Variants in ACTL8 observed in about 807,000 individuals in gnomAD.
The protein encoded by ACTL8 is actin-like protein 8.
Under a neutral mutation model 9.3 loss-of-function variants are expected in ACTL8, and 3 were observed. That is an observed-to-expected ratio of 0.32 (90% CI 0.15 to 0.83). The LOEUF (loss-of-function observed/expected upper bound fraction) is 0.83, where lower values mean the gene tolerates loss of function less well. Ranked by LOEUF, ACTL8 falls within the 40% of genes least tolerant of loss-of-function variation. The probability of loss-of-function intolerance (pLI) is 0.57; values close to 1 mark genes in which losing one functional copy is unlikely to be tolerated. For missense variants in ACTL8, 381 were observed against 492.2 expected, an observed-to-expected ratio of 0.77 and a Z score of 2.14; for synonymous variants, 224 against 205.9, an observed-to-expected ratio of 1.09 and a Z score of -0.75.
intron 1 of ACTL8, among the ~76,000 whole-genome samples, chr1:17,798,307 A>C (rs539646308): frequency 6.6e-6 from 1 of 151,968 alleles, no homozygotes. Context: ...CTCATGGTCT[A>C]GGTGGGAGCT....
chr1:17,812,136 G>A (rs1027893914), intron 1 of ACTL8, among the ~76,000 whole-genome samples: 4 of 152,088 alleles, frequency 2.6e-5, no homozygotes, highest in Non-Finnish European at 5.9e-5. Flanking sequence ...GGGATTATAG[G>A]TGTGAGCTAC....
At position 17,826,764 on chromosome 1, in the gene ACTL8, G is replaced by T. The variant is rs1024448600; in HGVS notation, c.*245G>T. The T allele has an allele frequency of 8.3e-6, 3 of 361,374 alleles. No individual in the cohort carries two copies. Among genetic ancestry groups the T allele is most frequent in the Non-Finnish European group, 1.5e-5 (3 of 201,724 alleles). The allele number at this position is 361,374 out of a possible 1,614,324, so 22.4% of individuals were successfully genotyped here. ...TGCAGGGGACAGTTTTTCCAGGGTG[G>T]CCTATCATTGGGGTATGAGTGGCTG... On this transcript the variant is annotated 3_prime_UTR_variant, in exon 3 of 3. Transcript: ENST00000375406. This position sits in a 1 kb window ranked among gnomAD's most constrained non-coding sequence, Gnocchi z 4.5.
chr1:17,822,888 CA>C (rs1402103122), intron 1 of ACTL8, 96 bp from the exon 2 acceptor site: 2 of 785,710 alleles, frequency 2.5e-6, no homozygotes, highest in South Asian at 1.8e-5. Flanking sequence ...GGACAAGCTT[CA>C]GGGGGAGCCT....
At chr1:17,817,716 T>TTTC (rs1321261736) in intron 1 of ACTL8, among the ~76,000 whole-genome samples, 2 of 151,750 alleles carry the variant, frequency 1.3e-5, no homozygotes, top group African/African-American at 4.8e-5. Flanking sequence ...TTTTCTTTTT[T>TTTC]TCGAGATGGA....
chr1:17,801,861 G>T (rs954444325), intron 1 of ACTL8, among the ~76,000 whole-genome samples: 1 of 152,274 alleles, frequency 6.6e-6, no homozygotes, highest in Non-Finnish European at 1.5e-5. Context: ...TTAGCATTCG[G>T]TGTCCATCTA....
At chr1:17,808,285 G>A (rs1178002933) in intron 1 of ACTL8, among the ~76,000 whole-genome samples, 1 of 152,182 alleles carries the variant, frequency 6.6e-6, no homozygotes. Flanking sequence ...ATGGCAATAA[G>A]AGCTCAACAG....
chr1:17,806,912 G>A (rs560367575), intron 1 of ACTL8, among the ~76,000 whole-genome samples: 31 of 152,320 alleles, frequency 2.0e-4, no homozygotes, highest in East Asian at 1.9e-4. Flanking sequence ...CACGGGATGC[G>A]TCCCACTGGG....
At position 17,823,855 on chromosome 1, in the gene ACTL8, G is replaced by A. The variant is rs1422975889; in HGVS notation, c.348+499G>A. Among the ~76,000 whole-genome samples, 1 of 152,170 alleles carries A rather than the reference G, an allele frequency of 6.6e-6. No individual in the cohort carries two copies. The highest frequency in any genetic ancestry group is 3.2e-3 in the Middle Eastern group (1 of 316). ...GCTCACGGAGGCCCCACCTGCAGAC[G>A]GACATGCAGCAACCAACGTGCTTGG... On this transcript the variant is annotated intron_variant, in intron 2 of 2. Coordinates refer to ENST00000375406, the MANE Select transcript of ACTL8 (RefSeq NM_030812.3). This position sits in a 1 kb window ranked among gnomAD's most constrained non-coding sequence, Gnocchi z 5.3.
intron 1 of ACTL8, among the ~76,000 whole-genome samples, chr1:17,822,366 C>T (rs756840773): frequency 2.6e-5 from 4 of 152,210 alleles, no homozygotes; most frequent in Non-Finnish European, 4.4e-5. Flanking sequence ...TTGCTGATCT[C>T]TGACCATTTT....
At chr1:17,758,219 C>T (rs1198416934) in intron 1 of ACTL8, among the ~76,000 whole-genome samples, 1 of 152,174 alleles carries the variant, frequency 6.6e-6, no homozygotes, top group African/African-American at 2.4e-5. Flanking sequence ...TACCGAGGGG[C>T]AGCACTTCAC....
chr1:17,797,577 C>T (rs2066286489), intron 1 of ACTL8, among the ~76,000 whole-genome samples: 1 of 152,178 alleles, frequency 6.6e-6, no homozygotes, highest in Non-Finnish European at 1.5e-5. Flanking sequence ...GCCAGGTATC[C>T]AGCATTTCTC....
chr1:17,818,028 A>G (rs983898786), intron 1 of ACTL8, among the ~76,000 whole-genome samples: 1 of 152,086 alleles, frequency 6.6e-6, no homozygotes, highest in African/African-American at 2.4e-5. Flanking sequence ...CCATCCATTC[A>G]GGAACTCCCA....
intron 1 of ACTL8, among the ~76,000 whole-genome samples, chr1:17,788,246 T>TA (rs930383671): frequency 7.9e-5 from 12 of 152,230 alleles, no homozygotes; most frequent in African/African-American, 2.4e-4. Context: ...TTAGTCAGTT[T>TA]AAAAAAAATC....
At chr1:17,808,382 T>C (rs481529) in intron 1 of ACTL8, among the ~76,000 whole-genome samples, 86,513 of 152,092 alleles carry the variant, frequency 0.57, 25,107 homozygotes, top group East Asian at 0.75. Flanking sequence ...GATAGTTATT[T>C]TCATCTGAAG....
rs149229255 is a variant in ACTL8, at chr1:17,769,218, C to G, written c.-25+13714C>G. ...GAGCGCCTTGATTCTTTTCCTTCAG[C>G]CTTCCCTTCCCCAGTATCCCTAGAG... On this transcript the variant is annotated intron_variant, in intron 1 of 2. Coordinates refer to ENST00000375406, the MANE Select transcript of ACTL8 (RefSeq NM_030812.3). Among the ~76,000 whole-genome samples the G allele has an allele frequency of 2.0e-4, 30 of 152,284 alleles. No individual in the cohort carries two copies. In the East Asian group the frequency reaches 3.9e-3, roughly 20 times the overall value.
At chr1:17,816,550 T>C (rs1389630289) in intron 1 of ACTL8, among the ~76,000 whole-genome samples, 2 of 152,258 alleles carry the variant, frequency 1.3e-5, no homozygotes, top group Admixed American at 1.3e-4. Context: ...AGCATTATGC[T>C]GTGAGACTCT....
At chr1:17,824,362 T>C (rs1303362082) in intron 2 of ACTL8, among the ~76,000 whole-genome samples, 3 of 152,200 alleles carry the variant, frequency 2.0e-5, no homozygotes, top group Admixed American at 2.0e-4. Context: ...CATTGCCTGG[T>C]AGGTAAAGCC....
rs980524017 is a variant in ACTL8, at chr1:17,826,413, A to G, written c.995A>G (p.Asn332Ser). ...STKATVWEGS[N>S]RNFSVWLGAS... ...AAGGCCACAGTCTGGGAGGGTTCCA[A>G]TAGAAACTTTAGTGTCTGGCTAGGA... Residue 332 changes from asparagine to serine, a missense_variant, in exon 3 of 3, where the codon AAT becomes AGT. Around this residue, in one of 3 missense-constraint regions of ACTL8, gnomAD observed 243 missense variants for 276.2 expected, o/e 0.88. Coordinates refer to ENST00000375406, the MANE Select transcript of ACTL8 (RefSeq NM_030812.3). The surrounding 1 kb of genome is among the most constrained non-coding windows in gnomAD (Gnocchi z 4.5). 7.4e-6 allele frequency: 12 copies of G among 1,613,966 alleles called. No individual in the cohort carries two copies. Among genetic ancestry groups the G allele is most frequent in the African/African-American group, 6.7e-5 (5 of 74,900 alleles).
At chr1:17,788,005 C>A (rs1557435652) in intron 1 of ACTL8, among the ~76,000 whole-genome samples, 1 of 152,198 alleles carries the variant, frequency 6.6e-6, no homozygotes, top group Non-Finnish European at 1.5e-5. Flanking sequence ...AGCAGGGGGG[C>A]TGAGCAGCCT....
Sources: allele counts gnomAD v4.1 joint callset (sites outside exome capture counted in the v4.1 genomes callset), GRCh38; gene constraint gnomAD v4.1.1; regional missense constraint gnomAD v4.1.1; non-coding constraint Gnocchi (gnomAD v3.1); transcripts MANE v1.5; gene names NCBI Gene and HGNC (gene_info 2026-07-23, HGNC 2026-07-21).